The following PIGZ variants were observed in gnomAD, a reference collection of about 807,000 sequenced individuals.
PIGZ encodes the protein phosphatidylinositol glycan anchor biosynthesis class Z (Gwada blood group), also known as GPI alpha-1,2-mannosyltransferase 4.
Under a neutral mutation model 16.4 loss-of-function variants are expected in PIGZ, and 16 were observed. The observed-to-expected ratio is 0.97, with a 90% CI of 0.66 to 1.48. The LOEUF is 1.48. PIGZ is among the 40% of genes most tolerant of loss of function. The probability of loss-of-function intolerance (pLI) is 0.00; values close to 1 mark genes in which losing one functional copy is unlikely to be tolerated. For synonymous variants in PIGZ, 409 were observed against 338.4 expected (o/e 1.21, Z -2.29); for missense variants, 770 against 739.2 (o/e 1.04, Z -0.48).
In PIGZ at chr3:196,955,574, TTC is replaced by T. The variant is rs1453953944; in HGVS notation, c.1-3545_1-3544del. 9.7e-3 allele frequency among the ~76,000 whole-genome samples: 450 copies of T among 46,534 alleles called. 3 individuals are homozygous for T. Among genetic ancestry groups the T allele is most frequent in the African/African-American group, 0.035 (431 of 12,168 alleles). The allele number at this position is 46,534 out of a possible 152,430, so 30.5% of individuals were successfully genotyped here. A position where few individuals can be genotyped will look rare whatever the true frequency, so the allele number is the denominator to read the frequency against. On this transcript the variant is annotated intron_variant, in intron 1 of 2. Coordinates refer to ENST00000412723, the MANE Select transcript of PIGZ (RefSeq NM_025163.4). ...CAGCCTTTTCTTTTCTTTTCTTTCT[TTC>T]TTTTTTTTTTTTTTTTTTTTGAGAT... is the stretch of plus-strand genomic sequence containing the variant.
chr3:196,952,415 A>G (rs1309733928), intron 1 of PIGZ, among the ~76,000 whole-genome samples: 1 of 151,912 alleles, frequency 6.6e-6, no homozygotes, highest in African/African-American at 2.4e-5. Context: ...TTTCAGGGAG[A>G]GATTAGCCTT....
In PIGZ at chr3:196,968,804, G is replaced by A. The variant is rs556210399; in HGVS notation, c.-118C>T. 4 of 150,666 alleles carry A rather than the reference G, an allele frequency of 2.7e-5. No individual in the cohort carries two copies. The highest frequency in any genetic ancestry group is 6.6e-5 in the Admixed American group (1 of 15,120). The allele number at this position is 150,666 out of a possible 1,614,324, so 9.3% of individuals were successfully genotyped here. ...AGGGCGGAGGGGAGGCCGTGGGAGC[G>A]GCCGGGCGCGCCTCAGCAGCGCGGA... On this transcript the variant is annotated 5_prime_UTR_variant, in exon 1 of 3. Transcript: ENST00000412723.
intron 2 of PIGZ, among the ~76,000 whole-genome samples, chr3:196,949,176 A>G (rs1037538440): frequency 2.0e-5 from 3 of 151,552 alleles, no homozygotes; most frequent in African/African-American, 7.3e-5. Context: ...CCATTCTTCC[A>G]GCACAGCCTC....
In PIGZ at chr3:196,951,816, T is replaced by C; in HGVS notation, c.211+5A>G. 1 of 1,614,004 alleles carries C rather than the reference T, an allele frequency of 6.2e-7. No individual in the cohort carries two copies. Among genetic ancestry groups the C allele is most frequent in the East Asian group, 2.2e-5 (1 of 44,874 alleles). On this transcript the variant is annotated splice_donor_5th_base_variant and intron_variant, in intron 2 of 2. Coordinates refer to ENST00000412723, the MANE Select transcript of PIGZ (RefSeq NM_025163.4). ...CTTGTCTCAGCCACACATGCGGAGTTTTACCTGCCATCACCTCAGGGGACT... is the reference window on the plus strand; with the variant it reads ...CTTGTCTCAGCCACACATGCGGAGTCTTACCTGCCATCACCTCAGGGGACT...
At chr3:196,961,655 C>T (rs1054838601) in intron 1 of PIGZ, among the ~76,000 whole-genome samples, 5 of 152,124 alleles carry the variant, frequency 3.3e-5, no homozygotes, top group African/African-American at 7.2e-5. Flanking sequence ...GGTCCCTTGC[C>T]GCTTCTCAGG....
chr3:196,958,299 G>A (rs1037311243), intron 1 of PIGZ, among the ~76,000 whole-genome samples: 1 of 152,066 alleles, frequency 6.6e-6, no homozygotes, highest in African/African-American at 2.4e-5. Context: ...AAGCCAAAAA[G>A]GGAAAATGGA....
chr3:196,966,001 T>G (rs757749742), intron 1 of PIGZ, among the ~76,000 whole-genome samples: 7 of 152,170 alleles, frequency 4.6e-5, no homozygotes, highest in Admixed American at 6.5e-5. Flanking sequence ...CATTCCTTAC[T>G]GTGGCTGACA....
intron 1 of PIGZ, among the ~76,000 whole-genome samples, chr3:196,967,709 G>A (rs893673042): frequency 2.0e-5 from 3 of 152,306 alleles, no homozygotes; most frequent in East Asian, 1.9e-4. Flanking sequence ...CTTGAAGCAC[G>A]GGAAGATCTG....
In PIGZ at chr3:196,948,450, C is replaced by A. The variant is rs199521863; in HGVS notation, c.447G>T (p.Pro149=). 4.3e-6 allele frequency: 7 copies of A among 1,614,046 alleles called. No homozygotes were observed. The highest frequency in any genetic ancestry group is 5.1e-6 in the Non-Finnish European group (6 of 1,179,984). The part of the protein sequence containing the change: ...ALDGAVYHLA[P]PMGADRWNAL... ...CGTTCCAGCGATCCGCCCCCATCGG[C>A]GGGGCCAGGTGGTACACGGCCCCGT... Residue 149 remains proline, a synonymous_variant, in exon 3 of 3, where the codon CCG becomes CCT. Coordinates refer to ENST00000412723, the MANE Select transcript of PIGZ (RefSeq NM_025163.4).
chr3:196,955,983 G>GT (rs1376444467), intron 1 of PIGZ, among the ~76,000 whole-genome samples: 13 of 150,852 alleles, frequency 8.6e-5, no homozygotes, highest in Non-Finnish European at 7.4e-5. Context: ...TTTTGAATTA[G>GT]TTTTTTTTCT....
In PIGZ at chr3:196,957,676, G is replaced by T. The variant is rs181954849; in HGVS notation, c.1-5645C>A. ...ATTACAGGCGTGAGCCACTGTGCCC[G>T]GCCAAATTTATTTCTTAGGCCACCT... is the stretch of plus-strand genomic sequence containing the variant. On this transcript the variant is annotated intron_variant, in intron 1 of 2. Coordinates refer to ENST00000412723, the MANE Select transcript of PIGZ (RefSeq NM_025163.4). 2.0e-5 allele frequency among the ~76,000 whole-genome samples: 3 copies of T among 152,218 alleles called. No individual in the cohort carries two copies. In the East Asian group the frequency reaches 5.8e-4, roughly 29 times the overall value.
intron 1 of PIGZ, among the ~76,000 whole-genome samples, chr3:196,968,010 GATGAGA>G (rs779726877): frequency 2.0e-5 from 3 of 152,234 alleles, no homozygotes; most frequent in Non-Finnish European, 4.4e-5. Flanking sequence ...AAGAAGGAAT[GATGAGA>G]AATGTCCTCA....
rs948955754 is a variant in PIGZ, at chr3:196,964,369, A to T, written c.-1+4318T>A. Among the ~76,000 whole-genome samples the T allele has an allele frequency of 5.3e-5, 7 of 132,110 alleles. No individual in the cohort carries two copies. In the East Asian group the frequency reaches 1.4e-3, roughly 26 times the overall value. 86.7% of individuals were successfully genotyped at this position (132,110 alleles called of 152,430 possible). A position where few individuals can be genotyped will look rare whatever the true frequency, so the allele number is the denominator to read the frequency against. ...CGGCCTAGCACTACCATTTTTTTTT[A>T]ATTTTTTTGAGATGGAGTCTTGCTT... On this transcript the variant is annotated intron_variant, in intron 1 of 2. Transcript: ENST00000412723.
chr3:196,952,627 G>A (rs137988921), intron 1 of PIGZ, among the ~76,000 whole-genome samples: 6 of 152,186 alleles, frequency 3.9e-5, no homozygotes, highest in East Asian at 1.9e-4. Flanking sequence ...TAGTAGAGAC[G>A]GGGTTTCATC....
At chr3:196,948,878 TCCCTTCCTTCC>T (rs1560180722) in intron 2 of PIGZ, among the ~76,000 whole-genome samples, 193 bp from the exon 3 acceptor site, 1 of 20,088 alleles carries the variant, frequency 5.0e-5, no homozygotes, top group African/African-American at 2.7e-4. Flanking sequence ...CTTCCTTCCT[TCCCTTCCTTCC>T]CCTTCCTTCC....
At chr3:196,962,540 G>A (rs570541151) in intron 1 of PIGZ, among the ~76,000 whole-genome samples, 4 of 152,002 alleles carry the variant, frequency 2.6e-5, no homozygotes, top group Admixed American at 6.6e-5. Flanking sequence ...TCTGTCTCAT[G>A]ATCCCCTGGG....
At position 196,952,039 on chromosome 3, in the gene PIGZ, G is replaced by A. The variant is rs1296734946; in HGVS notation, c.1-8C>T. On this transcript the variant is annotated splice_polypyrimidine_tract_variant and splice_region_variant and intron_variant, in intron 1 of 2. Transcript: ENST00000412723. ...GGATCCACAGATCTGCATCTGTTGA[G>A]GATAACAGTTGTTGGTTATCACGAT... 5 of 1,611,580 alleles carry A rather than the reference G, an allele frequency of 3.1e-6. No homozygotes were observed. In the African/African-American group the frequency reaches 4.0e-5, roughly 13 times the overall value.
chr3:196,955,831 A>G (rs1175286244), intron 1 of PIGZ, among the ~76,000 whole-genome samples: 1 of 151,872 alleles, frequency 6.6e-6, no homozygotes, highest in Non-Finnish European at 1.5e-5. Context: ...TGCCCACCTC[A>G]GCCTCCCAAG....
chr3:196,955,718 A>G (rs1307246303), intron 1 of PIGZ, among the ~76,000 whole-genome samples: 1 of 151,284 alleles, frequency 6.6e-6, no homozygotes, highest in Non-Finnish European at 1.5e-5. Flanking sequence ...AGCTGGGACT[A>G]TAGGTGCGCA....
Sources: allele counts gnomAD v4.1 joint callset (sites outside exome capture counted in the v4.1 genomes callset), GRCh38; gene constraint gnomAD v4.1.1; transcripts MANE v1.5; gene names NCBI Gene and HGNC (gene_info 2026-07-23, HGNC 2026-07-21).